TSPAN11: variants seen among roughly 807,000 people sequenced by gnomAD.
The protein encoded by TSPAN11 is tetraspanin-11.
A neutral mutation model predicts 32.9 loss-of-function variants in TSPAN11; 29 were observed. The observed-to-expected ratio is 0.88, with a 90% confidence interval of 0.66 to 1.20. The LOEUF (loss-of-function observed/expected upper bound fraction) is 1.20. Ranked by LOEUF, TSPAN11 falls within the 50% of genes most tolerant of loss-of-function variation. TSPAN11 has a pLI of 0.00. For synonymous variants in TSPAN11, 140 were observed against 141.3 expected (o/e 0.99, Z 0.07); for missense variants, 283 against 329.1 (o/e 0.86, Z 1.08).
intron 7 of TSPAN11, among the ~76,000 whole-genome samples, chr12:30,989,950 C>T (rs1002483737): frequency 6.6e-6 from 1 of 152,214 alleles, no homozygotes; most frequent in African/African-American, 2.4e-5. Flanking sequence ...CGGGCCCAAC[C>T]CCATCTGCCA....
intron 2 of TSPAN11, among the ~76,000 whole-genome samples, chr12:30,959,848 G>A (rs997074761): frequency 6.6e-6 from 1 of 151,550 alleles, no homozygotes; most frequent in Admixed American, 6.6e-5. Flanking sequence ...CAAAAAGTCA[G>A]GTTAAGGCCA....
chr12:30,927,588 G>A, intron 1 of TSPAN11, among the ~76,000 whole-genome samples: 1 of 152,180 alleles, frequency 6.6e-6, no homozygotes, highest in South Asian at 2.1e-4. Flanking sequence ...GTGAGCGTGG[G>A]GGTGGGGGGT....
rs150802780 is a variant in TSPAN11, at chr12:30,985,522, T to C, written c.702+2372T>C. 9.0e-3 allele frequency among the ~76,000 whole-genome samples: 1,364 copies of C among 152,174 alleles called. 27 individuals are homozygous for C. Among genetic ancestry groups the C allele is most frequent in the African/African-American group, 0.031 (1,284 of 41,532 alleles). ...GCACTTCCCCAGGGCAGGCCTTCTG[T>C]CCTGTGTGCTGAACCCCAGAGGAGT... On this transcript the variant is annotated intron_variant, in intron 7 of 7. Transcript: ENST00000546076.
chr12:30,960,635 A>T (rs568207625), intron 2 of TSPAN11, among the ~76,000 whole-genome samples: 1 of 151,924 alleles, frequency 6.6e-6, no homozygotes, highest in Non-Finnish European at 1.5e-5. Flanking sequence ...CTAAAATTAC[A>T]CAACAGGGGT....
intron 1 of TSPAN11, among the ~76,000 whole-genome samples, chr12:30,953,107 A>G (rs964813281): frequency 4.6e-5 from 7 of 152,218 alleles, no homozygotes; most frequent in African/African-American, 1.4e-4. Flanking sequence ...AGCGAGGGAC[A>G]GCATGGTGCT....
chr12:30,931,445 A>G (rs1007980460), intron 1 of TSPAN11, among the ~76,000 whole-genome samples: 1 of 152,168 alleles, frequency 6.6e-6, no homozygotes, highest in Non-Finnish European at 1.5e-5. Flanking sequence ...GCTTGACTGA[A>G]GCCTTTTGGT....
chr12:30,935,787 C>G (rs1375146754), intron 1 of TSPAN11, among the ~76,000 whole-genome samples: 1 of 152,198 alleles, frequency 6.6e-6, no homozygotes, highest in Non-Finnish European at 1.5e-5. Context: ...CTCCGCTCCC[C>G]TAGCTGGGTC....
chr12:31,013,609 A>ACAAAACAAAACAAAG, the TSPAN11 span, among the ~76,000 whole-genome samples: 1 of 151,660 alleles, frequency 6.6e-6, no homozygotes. Context: ...ACAAAACAAA[A>ACAAAACAAAACAAAG]CAAAACAAAA....
chr12:30,979,434 A>G, intron 4 of TSPAN11, 132 bp from the exon 5 acceptor site: 1 of 797,124 alleles, frequency 1.3e-6, no homozygotes, highest in South Asian at 1.6e-5. Flanking sequence ...CGCTGTTGAG[A>G]AACCTCCGCA....
the TSPAN11 span, among the ~76,000 whole-genome samples, chr12:31,008,405 T>C: frequency 6.6e-6 from 1 of 152,210 alleles, no homozygotes; most frequent in Non-Finnish European, 1.5e-5. Flanking sequence ...TCCTTCCTCA[T>C]TGGTGCTGTG....
At chr12:30,959,880 A>G (rs959288946) in intron 2 of TSPAN11, among the ~76,000 whole-genome samples, 1 of 151,344 alleles carries the variant, frequency 6.6e-6, no homozygotes, top group Non-Finnish European at 1.5e-5. Flanking sequence ...CACCGAGGCC[A>G]TGCAAAAGAG....
intron 1 of TSPAN11, among the ~76,000 whole-genome samples, chr12:30,930,457 C>T (rs760952225): frequency 4.6e-5 from 7 of 152,176 alleles, no homozygotes; most frequent in Non-Finnish European, 5.9e-5. Context: ...CAAGGGTGGC[C>T]GGAGAGCCCA....
At chr12:30,934,721 C>T (rs1270111591) in intron 1 of TSPAN11, among the ~76,000 whole-genome samples, 2 of 150,718 alleles carry the variant, frequency 1.3e-5, no homozygotes, top group African/African-American at 4.9e-5. Flanking sequence ...GACAATTCTT[C>T]TTCCAATGAG....
At position 30,959,791 on chromosome 12, in the gene TSPAN11, A is replaced by AC. The variant is rs1340287855; in HGVS notation, c.85-4035_85-4034insC. Reference sequence around the variant, plus strand: ...TGAGACTCTGTCTCAAAAAAAAAAAAAAAAAAAACCGAGGTGTGGGGGGAA... The same window carrying AC: ...TGAGACTCTGTCTCAAAAAAAAAAAACAAAAAAAACCGAGGTGTGGGGGGAA... On this transcript the variant is annotated intron_variant, in intron 2 of 7. Transcript: ENST00000546076. Among the ~76,000 whole-genome samples the AC allele has an allele frequency of 6.8e-3, 991 of 145,460 alleles. 21 individuals are homozygous for AC. The highest frequency in any genetic ancestry group is 0.025 in the African/African-American group (942 of 38,190).
chr12:30,933,545 G>A (rs1168928312), intron 1 of TSPAN11, among the ~76,000 whole-genome samples: 1 of 152,140 alleles, frequency 6.6e-6, no homozygotes, highest in Admixed American at 6.5e-5. Context: ...CCCTACCTCT[G>A]CCCAGGATGG....
chr12:30,958,485 C>T (rs1352361072), intron 2 of TSPAN11, among the ~76,000 whole-genome samples: 11 of 152,098 alleles, frequency 7.2e-5, no homozygotes, highest in South Asian at 2.1e-4. Context: ...GCATTTTGGG[C>T]GTGGGACTGG....
At chr12:30,981,767 T>C (rs115325421) in intron 5 of TSPAN11, among the ~76,000 whole-genome samples, 2,165 of 152,302 alleles carry the variant, frequency 0.014, 50 homozygotes, top group African/African-American at 0.049. Flanking sequence ...AGGCACATAG[T>C]AGCTGCCTAG....
chr12:30,967,551 G>A (rs746815388), intron 3 of TSPAN11, among the ~76,000 whole-genome samples: 4 of 152,104 alleles, frequency 2.6e-5, no homozygotes, highest in East Asian at 1.9e-4. Flanking sequence ...ACTTGCCTGC[G>A]TTCACTCCCA....
intron 3 of TSPAN11, among the ~76,000 whole-genome samples, chr12:30,971,872 G>C (rs949420297): frequency 7.2e-5 from 11 of 151,794 alleles, no homozygotes; most frequent in African/African-American, 2.4e-4. Flanking sequence ...TTGGTTCAGA[G>C]AGTACTATGC....
Sources: gnomAD v4.1 joint callset for allele counts (sites outside exome capture counted in the v4.1 genomes callset) on GRCh38, gnomAD v4.1.1 for gene constraint, MANE v1.5 for transcripts, NCBI Gene and HGNC (gene_info 2026-07-23, HGNC 2026-07-21) for gene names.